Variants in CHST11 observed in about 807,000 individuals in gnomAD.
CHST11 encodes C4S-1.
Under a neutral mutation model 30.4 loss-of-function variants are expected in CHST11, and 9 were observed. The ratio of observed to expected loss-of-function variants is 0.30; its 90% CI spans 0.18 to 0.52. The LOEUF (loss-of-function observed/expected upper bound fraction) is 0.52. Among genes scored for constraint, CHST11 ranks in the 20% least tolerant of loss-of-function variants. The pLI is 0.97. For synonymous variants in CHST11, 152 were observed against 187.8 expected (o/e 0.81, Z 1.56); for missense variants, 348 against 460.6 (o/e 0.76, Z 2.24).
At chr12:104,744,164 C>G in intron 2 of CHST11, among the ~76,000 whole-genome samples, 1 of 152,180 alleles carries the variant, frequency 6.6e-6, no homozygotes, top group Non-Finnish European at 1.5e-5. Flanking sequence ...GTCTTTAGGT[C>G]TTTGAGGAAT....
At chr12:104,475,657 A>ATTTT (rs199799107) in intron 1 of CHST11, among the ~76,000 whole-genome samples, 29 of 5,508 alleles carry the variant, frequency 5.3e-3, no homozygotes, top group African/African-American at 9.2e-3. Flanking sequence ...GTAAAGCAGC[A>ATTTT]TTATATATAT....
chr12:104,540,227 T>C (rs2038274068), intron 1 of CHST11, among the ~76,000 whole-genome samples: 1 of 152,226 alleles, frequency 6.6e-6, no homozygotes, highest in Non-Finnish European at 1.5e-5. Flanking sequence ...AACTCATGAA[T>C]ATGGAGGCTG....
chr12:104,661,177 G>A (rs1292779875), intron 2 of CHST11, among the ~76,000 whole-genome samples: 3 of 152,276 alleles, frequency 2.0e-5, no homozygotes, highest in Admixed American at 6.5e-5. Context: ...CCATAAAAAC[G>A]GAAGGAGTAG....
intron 2 of CHST11, among the ~76,000 whole-genome samples, chr12:104,700,451 A>G (rs312139): frequency 0.7 from 106,066 of 151,986 alleles, 37,415 homozygotes; most frequent in South Asian, 0.84. Context: ...TCAAAAGAGC[A>G]GTCTTCAAAA....
intron 2 of CHST11, among the ~76,000 whole-genome samples, chr12:104,643,707 T>G (rs2039399721): frequency 6.6e-6 from 1 of 152,174 alleles, no homozygotes; most frequent in African/African-American, 2.4e-5. Context: ...GTTTTTCCTA[T>G]CTGGAAAATT....
At position 104,754,169 on chromosome 12, in the gene CHST11, AAT is replaced by A. The variant is rs146796933; in HGVS notation, c.205-2771_205-2770del. On this transcript the variant is annotated intron_variant, in intron 2 of 2. Transcript: ENST00000303694. ...CTGGTTTTACCAAGTGGAACCCGAAAATATATATATGGTGCCCTTGCTTCTCT... is the reference window on the plus strand; with the variant it reads ...CTGGTTTTACCAAGTGGAACCCGAAAATATATATGGTGCCCTTGCTTCTCT... 4.0e-3 allele frequency among the ~76,000 whole-genome samples: 613 copies of A among 152,246 alleles called. 6 individuals are homozygous for A. Among genetic ancestry groups the A allele is most frequent in the African/African-American group, 0.014 (583 of 41,540 alleles).
At chr12:104,562,922 C>G (rs1375606973) in intron 1 of CHST11, among the ~76,000 whole-genome samples, 1 of 152,210 alleles carries the variant, frequency 6.6e-6, no homozygotes, top group Non-Finnish European at 1.5e-5. Flanking sequence ...TCTTGATTCT[C>G]CACTGTGTTG....
At chr12:104,469,257 C>T (rs1302093862) in intron 1 of CHST11, among the ~76,000 whole-genome samples, 2 of 152,202 alleles carry the variant, frequency 1.3e-5, no homozygotes, top group African/African-American at 2.4e-5. Flanking sequence ...CAGGCATACC[C>T]GCTGCCAAGG....
chr12:104,735,438 T>TA (rs2040292390), intron 2 of CHST11, among the ~76,000 whole-genome samples: 1 of 152,128 alleles, frequency 6.6e-6, no homozygotes, highest in Admixed American at 6.5e-5. Flanking sequence ...CCACGTTCTA[T>TA]AAGAGAGATG....
chr12:104,563,774 TTGG>T (rs10602298), intron 1 of CHST11, among the ~76,000 whole-genome samples: 14,899 of 152,030 alleles, frequency 0.098, 875 homozygotes, highest in African/African-American at 0.16. Context: ...ATGTTTGCTC[TTGG>T]TGGTTTTCAG....
chr12:104,502,137 C>T (rs1199776053), intron 1 of CHST11, among the ~76,000 whole-genome samples: 3 of 151,922 alleles, frequency 2.0e-5, no homozygotes, highest in Non-Finnish European at 2.9e-5. Flanking sequence ...AAGGGATCTT[C>T]CTGTCTCGAC....
intron 1 of CHST11, among the ~76,000 whole-genome samples, chr12:104,490,660 G>T (rs10778336): frequency 0.37 from 56,618 of 152,034 alleles, 10,970 homozygotes; most frequent in East Asian, 0.65. Context: ...TGAACCTGCT[G>T]TTGCTGAACA....
chr12:104,615,611 C>G (rs1388590398), intron 2 of CHST11, among the ~76,000 whole-genome samples: 1 of 152,172 alleles, frequency 6.6e-6, no homozygotes, highest in Non-Finnish European at 1.5e-5. Context: ...CTCTGTGCCT[C>G]ACTTGTCTCA....
At chr12:104,602,329 C>T (rs796077198) in intron 2 of CHST11, 52 of 342,184 alleles carry the variant, frequency 1.5e-4, no homozygotes, top group African/African-American at 9.3e-4. Context: ...TTGGTATCCC[C>T]AAAGGAAGAG....
intron 2 of CHST11, among the ~76,000 whole-genome samples, chr12:104,739,641 T>A (rs962201226): frequency 6.6e-6 from 1 of 152,232 alleles, no homozygotes; most frequent in Non-Finnish European, 1.5e-5. Flanking sequence ...TCTATTTTTT[T>A]CATGAGAAAA....
At chr12:104,634,452 C>T (rs1566016721) in intron 2 of CHST11, among the ~76,000 whole-genome samples, 2 of 152,154 alleles carry the variant, frequency 1.3e-5, no homozygotes, top group East Asian at 1.9e-4. Flanking sequence ...ACAGGGCTGC[C>T]GGGCCTGGAG....
At chr12:104,752,534 T>G (rs28646172) in intron 2 of CHST11, among the ~76,000 whole-genome samples, 38 of 122,888 alleles carry the variant, frequency 3.1e-4, no homozygotes, top group African/African-American at 7.7e-4. Flanking sequence ...ATTTATTTAT[T>G]TATGTATTTT....
chr12:104,715,240 G>A (rs566638775), intron 2 of CHST11, among the ~76,000 whole-genome samples: 1 of 152,284 alleles, frequency 6.6e-6, no homozygotes, highest in East Asian at 1.9e-4. Flanking sequence ...TGGATGTGGT[G>A]GTCGGCGCCT....
chr12:104,670,063 A>G (rs926033847), intron 2 of CHST11, among the ~76,000 whole-genome samples: 5 of 152,240 alleles, frequency 3.3e-5, no homozygotes, highest in African/African-American at 1.2e-4. Flanking sequence ...CACCTAAGCC[A>G]ACAGCTGGAC....
Sources: gnomAD v4.1 joint callset for allele counts (sites outside exome capture counted in the v4.1 genomes callset) on GRCh38, gnomAD v4.1.1 for gene constraint, MANE v1.5 for transcripts, NCBI Gene and HGNC (gene_info 2026-07-23, HGNC 2026-07-21) for gene names.